The following ZBTB20 variants were observed in gnomAD, a reference collection of about 807,000 sequenced individuals.
ZBTB20 encodes zinc finger and BTB domain containing 20.
A neutral mutation model predicts 56.9 loss-of-function variants in ZBTB20; 9 were observed. That is an observed-to-expected ratio of 0.16 (90% CI 0.10 to 0.28). The LOEUF (loss-of-function observed/expected upper bound fraction) is 0.28. Among genes scored for constraint, ZBTB20 ranks in the 10% least tolerant of loss-of-function variants. ZBTB20 has a pLI of 1.00. For synonymous variants in ZBTB20, 417 were observed against 420.7 expected, an observed-to-expected ratio of 0.99 and a Z score of 0.11; for missense variants, 655 against 1,003.0, an observed-to-expected ratio of 0.65 and a Z score of 4.69.
chr3:114,954,354 A>C (rs1350875321), intron 3 of ZBTB20, among the ~76,000 whole-genome samples: 9 of 152,182 alleles, frequency 5.9e-5, no homozygotes. Flanking sequence ...TTATAAAATC[A>C]GTAAGGTGGT....
At chr3:114,562,776 AG>A (rs1364233233) in intron 6 of ZBTB20, among the ~76,000 whole-genome samples, 2 of 152,316 alleles carry the variant, frequency 1.3e-5, no homozygotes, top group African/African-American at 4.8e-5. Context: ...CTCAGGGAAC[AG>A]GGAAGTCCCA....
intron 5 of ZBTB20, among the ~76,000 whole-genome samples, chr3:114,749,281 C>T (rs939488160): frequency 8.6e-5 from 13 of 151,982 alleles, no homozygotes; most frequent in Non-Finnish European, 1.3e-4. Context: ...CAGCTGGGTG[C>T]GGTGGCTCAA....
intron 3 of ZBTB20, among the ~76,000 whole-genome samples, chr3:114,943,004 A>G (rs892060535): frequency 6.9e-6 from 1 of 145,094 alleles, no homozygotes; most frequent in Admixed American, 6.6e-5. Context: ...TCTTTCTTGG[A>G]GTGAGAAAAT....
At chr3:114,929,380 T>C (rs2076274889) in intron 3 of ZBTB20, among the ~76,000 whole-genome samples, 1 of 152,142 alleles carries the variant, frequency 6.6e-6, no homozygotes, top group Admixed American at 6.5e-5. Flanking sequence ...GACCCAAGGG[T>C]GATTCTGTGC....
chr3:114,981,798 G>A (rs779020975), intron 2 of ZBTB20, among the ~76,000 whole-genome samples: 8 of 151,930 alleles, frequency 5.3e-5, no homozygotes, highest in East Asian at 1.9e-4. Flanking sequence ...TGCAGAGTTC[G>A]GATTCCTACA....
chr3:114,931,885 TTTAAA>T (rs1161221273), intron 3 of ZBTB20, among the ~76,000 whole-genome samples: 1 of 152,182 alleles, frequency 6.6e-6, no homozygotes, highest in Non-Finnish European at 1.5e-5. Context: ...ATACAAAAAC[TTTAAA>T]TTAAATCAAA....
rs147952853 is a variant in ZBTB20, at chr3:114,833,532, A to G, written c.-416-32358T>C. Among the ~76,000 whole-genome samples, 1,238 of 151,552 alleles carry G rather than the reference A, an allele frequency of 8.2e-3. 22 individuals carry two copies. The highest frequency in any genetic ancestry group is 0.027 in the African/African-American group (1,125 of 41,340). ...AGTGAGTAACAAGAGAATTTTTTTT[A>G]TTGTTTATTTTTTTTTAGATATGGT... On this transcript the variant is annotated intron_variant, in intron 4 of 11. Coordinates refer to ENST00000675478, the MANE Select transcript of ZBTB20 (RefSeq NM_001348800.3).
intron 2 of ZBTB20, among the ~76,000 whole-genome samples, chr3:115,050,444 T>C (rs2081503045): frequency 6.6e-6 from 1 of 151,928 alleles, no homozygotes; most frequent in Admixed American, 6.6e-5. Context: ...ATTTGATAAA[T>C]ACATGATTAA....
At chr3:114,410,911 G>A (rs1046378336) in intron 7 of ZBTB20, among the ~76,000 whole-genome samples, 4 of 152,254 alleles carry the variant, frequency 2.6e-5, no homozygotes, top group East Asian at 1.9e-4. Context: ...GGTGCATAGG[G>A]AGACAACTGA....
At chr3:115,057,231 C>T (rs184924271) in intron 2 of ZBTB20, among the ~76,000 whole-genome samples, 2 of 152,044 alleles carry the variant, frequency 1.3e-5, no homozygotes, top group East Asian at 3.9e-4. Flanking sequence ...ACTTTAACTT[C>T]GTATTTCTTT....
At chr3:114,730,308 C>A (rs892203325) in intron 5 of ZBTB20, among the ~76,000 whole-genome samples, 1 of 152,122 alleles carries the variant, frequency 6.6e-6, no homozygotes, top group African/African-American at 2.4e-5. Flanking sequence ...AATAGTGGAA[C>A]ACTAGGCATA....
chr3:114,814,891 A>C (rs1243430439), intron 4 of ZBTB20, among the ~76,000 whole-genome samples: 1 of 152,228 alleles, frequency 6.6e-6, no homozygotes, highest in Non-Finnish European at 1.5e-5. Flanking sequence ...TAATTTGCAC[A>C]AAGGTGTCCG....
intron 6 of ZBTB20, among the ~76,000 whole-genome samples, chr3:114,613,660 T>G (rs1364337756): frequency 6.6e-6 from 1 of 152,134 alleles, no homozygotes; most frequent in African/African-American, 2.4e-5. Flanking sequence ...AAGCATGGAT[T>G]CCTTATATGT....
At chr3:114,423,205 A>C (rs914717428) in intron 7 of ZBTB20, among the ~76,000 whole-genome samples, 2 of 152,092 alleles carry the variant, frequency 1.3e-5, no homozygotes, top group African/African-American at 2.4e-5. Flanking sequence ...TTAACCACAA[A>C]ATTTTGTACA....
chr3:114,375,931 C>T (rs2083568269), intron 10 of ZBTB20: 1 of 152,178 alleles, frequency 6.6e-6, no homozygotes, highest in African/African-American at 2.4e-5. Flanking sequence ...GGAACATGCA[C>T]CAAATGTTTT....
chr3:114,784,620 T>C (rs2070358655), intron 5 of ZBTB20, among the ~76,000 whole-genome samples: 1 of 152,184 alleles, frequency 6.6e-6, no homozygotes, highest in Admixed American at 6.5e-5. Context: ...TGTGTTTAAG[T>C]TAATCAATAT....
chr3:114,990,351 T>C (rs948214822), intron 2 of ZBTB20, among the ~76,000 whole-genome samples: 2 of 152,162 alleles, frequency 1.3e-5, no homozygotes, highest in Non-Finnish European at 1.5e-5. Context: ...TCTGCATCTA[T>C]TGAGATAATC....
intron 5 of ZBTB20, among the ~76,000 whole-genome samples, chr3:114,737,721 C>T (rs549881164): frequency 2.6e-5 from 4 of 152,140 alleles, no homozygotes; most frequent in African/African-American, 9.6e-5. Context: ...TTACCAAAAG[C>T]CTAGCCTCCT....
chr3:115,060,443 G>A (rs1259520365), intron 2 of ZBTB20, among the ~76,000 whole-genome samples: 1 of 152,036 alleles, frequency 6.6e-6, no homozygotes, highest in African/African-American at 2.4e-5. Context: ...CTACAGGAAG[G>A]CTTTCCCGGG....
Sources: allele counts gnomAD v4.1 joint callset (sites outside exome capture counted in the v4.1 genomes callset), GRCh38; gene constraint gnomAD v4.1.1; transcripts MANE v1.5; gene names NCBI Gene and HGNC (gene_info 2026-07-23, HGNC 2026-07-21).